The following DDR2 variants were observed in gnomAD, a reference collection of about 807,000 sequenced individuals.
The protein encoded by DDR2 is discoidin domain-containing receptor 2.
Under a neutral mutation model 94.9 loss-of-function variants are expected in DDR2, and 27 were observed. The observed-to-expected ratio is 0.28, with a 90% confidence interval of 0.21 to 0.39. The LOEUF (loss-of-function observed/expected upper bound fraction) is 0.39. DDR2 is among the 10% of genes least tolerant of loss of function. The pLI, the probability that DDR2 is intolerant of heterozygous loss-of-function variation, is 1.00. For missense variants in DDR2, 783 were observed against 1,076.0 expected (o/e 0.73, Z 3.81); for synonymous variants, 382 against 377.2 (o/e 1.01, Z -0.15).
intron 2 of DDR2, among the ~76,000 whole-genome samples, chr1:162,664,741 T>A (rs1232093799): frequency 6.6e-6 from 1 of 152,212 alleles, no homozygotes; most frequent in African/African-American, 2.4e-5. Flanking sequence ...TGAAAAGTCA[T>A]AAATGAGCAT....
chr1:162,718,130 T>C (rs1661251791), intron 2 of DDR2, among the ~76,000 whole-genome samples: 1 of 152,232 alleles, frequency 6.6e-6, no homozygotes, highest in East Asian at 1.9e-4. Context: ...AATACTGCTG[T>C]TTTTGAGGGG....
At chr1:162,638,606 G>A (rs1199146691) in intron 1 of DDR2, among the ~76,000 whole-genome samples, 1 of 152,142 alleles carries the variant, frequency 6.6e-6, no homozygotes, top group Non-Finnish European at 1.5e-5. Flanking sequence ...GTCCTTGTGG[G>A]AGCCATACCA....
rs931420111 is a variant in DDR2, at chr1:162,729,497, G to A, written c.82+10352G>A. Among the ~76,000 whole-genome samples, 82 of 147,882 alleles carry A rather than the reference G, an allele frequency of 5.5e-4. 1 individual carries two copies. The highest frequency in any genetic ancestry group is 1.8e-3 in the African/African-American group (75 of 40,828). On this transcript the variant is annotated intron_variant, in intron 3 of 17. Transcript: ENST00000367921. ...GAGGTTTTTTTATGAGCCTAAGTGGGAGGTGATGAGTTGTTAAAAAAATTT... is the reference window on the plus strand; with the variant it reads ...GAGGTTTTTTTATGAGCCTAAGTGGAAGGTGATGAGTTGTTAAAAAAATTT...
intron 3 of DDR2, among the ~76,000 whole-genome samples, chr1:162,744,973 C>T (rs1474856863): frequency 6.6e-6 from 1 of 152,156 alleles, no homozygotes; most frequent in East Asian, 1.9e-4. Context: ...ATAAGGGTTC[C>T]AGTTTCTCTA....
At chr1:162,650,344 C>T (rs1657626985) in intron 1 of DDR2, among the ~76,000 whole-genome samples, 1 of 151,980 alleles carries the variant, frequency 6.6e-6, no homozygotes, top group Non-Finnish European at 1.5e-5. Context: ...GCCTGTAATC[C>T]CAACATTTTG....
intron 2 of DDR2, among the ~76,000 whole-genome samples, chr1:162,703,353 GA>G (rs1660515356): frequency 6.6e-6 from 1 of 152,210 alleles, no homozygotes; most frequent in Non-Finnish European, 1.5e-5. Flanking sequence ...GGAGTTCAGA[GA>G]AGGGAAGGTA....
chr1:162,752,481 G>T (rs1663260774), intron 3 of DDR2, among the ~76,000 whole-genome samples: 1 of 152,062 alleles, frequency 6.6e-6, no homozygotes, highest in Non-Finnish European at 1.5e-5. Flanking sequence ...TGTCCTTTTT[G>T]GTTGTTTCAC....
intron 3 of DDR2, among the ~76,000 whole-genome samples, chr1:162,741,209 CAATATAATATAATAT>C (rs1553250264): frequency 5.7e-5 from 4 of 69,568 alleles, no homozygotes; most frequent in South Asian, 4.9e-4. Context: ...CAATACAATA[CAATATAATATAATAT>C]AATATAATAT....
intron 2 of DDR2, among the ~76,000 whole-genome samples, chr1:162,716,171 G>C (rs1465422281): frequency 6.6e-6 from 1 of 152,184 alleles, no homozygotes; most frequent in Non-Finnish European, 1.5e-5. Flanking sequence ...AATGATGTGT[G>C]GGAGACATTC....
chr1:162,690,563 A>C (rs541755043), intron 2 of DDR2, among the ~76,000 whole-genome samples: 6 of 152,314 alleles, frequency 3.9e-5, no homozygotes, highest in African/African-American at 1.4e-4. Flanking sequence ...TGTAGAGTTT[A>C]CAGATGGATT....
chr1:162,692,802 C>T (rs1660016368), intron 2 of DDR2, among the ~76,000 whole-genome samples: 1 of 152,072 alleles, frequency 6.6e-6, no homozygotes. Context: ...ACTCTATGAC[C>T]CAGCATATGA....
intron 9 of DDR2, among the ~76,000 whole-genome samples, chr1:162,764,870 C>A (rs751740081): frequency 2.0e-5 from 3 of 151,278 alleles, no homozygotes; most frequent in Non-Finnish European, 4.4e-5. Context: ...TCAGAAGAAC[C>A]CATCCTTTCA....
intron 16 of DDR2, among the ~76,000 whole-genome samples, chr1:162,776,800 T>A (rs1176770099): frequency 6.6e-6 from 1 of 152,216 alleles, no homozygotes; most frequent in Admixed American, 6.5e-5. Context: ...ATGTTCTTTT[T>A]AAGTTCATCA....
chr1:162,666,334 AC>A (rs1359960541), intron 2 of DDR2, among the ~76,000 whole-genome samples: 1 of 152,228 alleles, frequency 6.6e-6, no homozygotes, highest in Non-Finnish European at 1.5e-5. Context: ...TCTTGCTGGG[AC>A]CAAGTATGGT....
intron 2 of DDR2, among the ~76,000 whole-genome samples, chr1:162,717,080 G>C (rs369843795): frequency 1.0e-3 from 154 of 150,868 alleles, no homozygotes; most frequent in African/African-American, 3.6e-3. Flanking sequence ...CTGTCGCCCA[G>C]GCTGGAGTGC....
intron 3 of DDR2, among the ~76,000 whole-genome samples, chr1:162,724,567 T>G (rs1017446259): frequency 4.6e-5 from 7 of 152,194 alleles, no homozygotes; most frequent in Non-Finnish European, 1.0e-4. Flanking sequence ...CCACCAAGAC[T>G]GCTATGTGTT....
chr1:162,753,978 A>C (rs1176708867), intron 4 of DDR2, among the ~76,000 whole-genome samples: 2 of 152,222 alleles, frequency 1.3e-5, no homozygotes, highest in East Asian at 1.9e-4. Context: ...TATCTGTGAG[A>C]AAAGGGAGCA....
At chr1:162,770,265 G>C (rs754461187) in intron 11 of DDR2, 37 bp from the exon 12 acceptor site, 1 of 1,603,872 alleles carries the variant, frequency 6.2e-7, no homozygotes, top group Non-Finnish European at 8.5e-7. Flanking sequence ...CATCTCTTTT[G>C]TGCCAACATG....
At chr1:162,762,952 T>C (rs534876723) in intron 9 of DDR2, among the ~76,000 whole-genome samples, 1 of 152,276 alleles carries the variant, frequency 6.6e-6, no homozygotes, top group Admixed American at 6.5e-5. Flanking sequence ...TTCTTCTGCC[T>C]CAGCCTCCCA....
Sources: allele counts gnomAD v4.1 joint callset (sites outside exome capture counted in the v4.1 genomes callset), GRCh38; gene constraint gnomAD v4.1.1; transcripts MANE v1.5; gene names NCBI Gene and HGNC (gene_info 2026-07-23, HGNC 2026-07-21).